The following ATG13 variants were observed in gnomAD, a reference collection of about 807,000 sequenced individuals.
ATG13 encodes autophagy related 13.
Under a neutral mutation model 65.5 loss-of-function variants are expected in ATG13, and 23 were observed. The observed-to-expected ratio is 0.35, with a 90% confidence interval of 0.25 to 0.50. ATG13 has a LOEUF of 0.50. Ranked by LOEUF, ATG13 falls within the 20% of genes least tolerant of loss-of-function variation. The probability of loss-of-function intolerance (pLI) is 0.98; values close to 1 mark genes in which losing one functional copy is unlikely to be tolerated. For synonymous variants in ATG13, 252 were observed against 245.2 expected (o/e 1.03, Z -0.26); for missense variants, 566 against 677.0 (o/e 0.84, Z 1.82).
At chr11:46,645,201 T>C in intron 3 of ATG13, 138 bp from the exon 4 acceptor site, 1 of 638,990 alleles carries the variant, frequency 1.6e-6, no homozygotes, top group Non-Finnish European at 2.6e-6. Flanking sequence ...AAAATTATAC[T>C]GTTTCCCAAA....
chr11:46,665,363 CTT>C lies in ATG13; in HGVS notation c.1000-18_1000-17del. On this transcript the variant is annotated intron_variant, in intron 13 of 18. Coordinates refer to ENST00000683050, the MANE Select transcript of ATG13 (RefSeq NM_001346311.2). The stretch of plus-strand genomic sequence containing the variant: ...CCTGGCATGCCATGATTCACTGTCT[CTT>C]TCCATTTTTCCCCAAAGCTGATGGT... 1 of 1,611,582 alleles carries C rather than the reference CTT, an allele frequency of 6.2e-7. No homozygotes were observed. The highest frequency in any genetic ancestry group is 1.3e-5 in the African/African-American group (1 of 75,022).
intron 2 of ATG13, among the ~76,000 whole-genome samples, chr11:46,633,017 TATATATATA>T (rs1467372685): frequency 5.9e-5 from 6 of 101,268 alleles, no homozygotes; most frequent in African/African-American, 3.7e-4. Context: ...TATATATATA[TATATATATA>T]TTTTTTTTTT....
chr11:46,671,320 C>T (rs4752926), intron 18 of ATG13, among the ~76,000 whole-genome samples: 72,093 of 152,152 alleles, frequency 0.47, 20,158 homozygotes, highest in Non-Finnish European at 0.62. Flanking sequence ...TCAGTAGAGA[C>T]GCATTTTTAT....
At chr11:46,671,075 G>T (rs553778348) in intron 18 of ATG13, among the ~76,000 whole-genome samples, 8 of 152,310 alleles carry the variant, frequency 5.3e-5, no homozygotes, top group South Asian at 2.1e-4. Flanking sequence ...GCACTTGGAA[G>T]AAAGTGTGGC....
At chr11:46,666,561 G>A (rs1592231262) in intron 14 of ATG13, among the ~76,000 whole-genome samples, 1 of 152,148 alleles carries the variant, frequency 6.6e-6, no homozygotes, top group South Asian at 2.1e-4. Context: ...GGAAGTGAAC[G>A]TTCTCATATT....
At chr11:46,650,020 C>T (rs1300240145) in intron 6 of ATG13, among the ~76,000 whole-genome samples, 157 bp from the exon 7 acceptor site, 3 of 152,076 alleles carry the variant, frequency 2.0e-5, no homozygotes, top group Non-Finnish European at 2.9e-5. Context: ...GTGTCTAGTA[C>T]ATGAGAAAGT....
Position 46,668,538 on chromosome 11 carries a change from G to A in ATG13, c.1291G>A (p.Ala431Thr). ...TTTGGATATACCCTTTGCCATGTTT[G>A]CTCCCAAGAATTTGGAGCTGGAGGA... Reference protein sequence around the residue: ...TSLDIPFAMFAPKNLELEDTD... With the variant: ...TSLDIPFAMFTPKNLELEDTD... The change falls in exon 16 of 19, where the codon GCT (alanine) becomes ACT (threonine). Residue 431 changes from alanine to threonine, a missense_variant. Ala to Thr is a moderately conservative substitution (Grantham distance 58). Coordinates refer to ENST00000683050, the MANE Select transcript of ATG13 (RefSeq NM_001346311.2). 1 of 1,614,190 alleles carries A rather than the reference G, an allele frequency of 6.2e-7. No homozygotes were observed. Among genetic ancestry groups the A allele is most frequent in the African/African-American group, 1.3e-5 (1 of 75,042 alleles).
chr11:46,620,328 C>G (rs2047048769), intron 1 of ATG13, among the ~76,000 whole-genome samples: 1 of 151,450 alleles, frequency 6.6e-6, no homozygotes, highest in Non-Finnish European at 1.5e-5. Context: ...CTCCTGACCT[C>G]AGGTGATCCA....
chr11:46,618,820 T>A (rs1233673277), intron 1 of ATG13, among the ~76,000 whole-genome samples: 2 of 151,956 alleles, frequency 1.3e-5, no homozygotes, highest in South Asian at 2.1e-4. Context: ...TTTTAAAATT[T>A]TTATTATTAT....
chr11:46,671,850 G>T (rs371247460), intron 18 of ATG13, among the ~76,000 whole-genome samples: 1 of 152,234 alleles, frequency 6.6e-6, no homozygotes, highest in African/African-American at 2.4e-5. Context: ...CCCCCAGGGG[G>T]TCCCGATGCC....
intron 2 of ATG13, among the ~76,000 whole-genome samples, chr11:46,632,907 A>C (rs766346491): frequency 6.3e-4 from 95 of 150,852 alleles, no homozygotes; most frequent in Non-Finnish European, 1.0e-3. Context: ...TCACAACTGT[A>C]ATCCCAGTGC....
chr11:46,630,188 G>C (rs1034777021), intron 2 of ATG13, 88 bp downstream of exon 2: 1 of 152,154 alleles, frequency 6.6e-6, no homozygotes, highest in Non-Finnish European at 1.5e-5. Flanking sequence ...AGAATAGAAT[G>C]GGAAAAGCTG....
At chr11:46,663,959 T>TG in intron 11 of ATG13, 38 bp from the exon 12 acceptor site, 1 of 1,232,412 alleles carries the variant, frequency 8.1e-7, no homozygotes, top group South Asian at 1.5e-5. Flanking sequence ...TTTTTTTTTT[T>TG]TTTTGTTTCT....
intron 7 of ATG13, among the ~76,000 whole-genome samples, chr11:46,651,180 A>G (rs1053441095): frequency 1.3e-5 from 2 of 152,200 alleles, no homozygotes; most frequent in African/African-American, 4.8e-5. Flanking sequence ...TGTAGTGAGG[A>G]AAACAATTTG....
rs560440788 is a variant in ATG13, at chr11:46,617,767, G to A, written c.-193G>A. On this transcript the variant is annotated 5_prime_UTR_variant, in exon 1 of 19. Transcript: ENST00000683050. ...TCTGAAGCCTTAGGTGTCTATCGGC[G>A]ACGTGTACGGTCACTGCAGCTCCGG... 1.6e-4 allele frequency: 63 copies of A among 399,012 alleles called. No individual in the cohort carries two copies. In the East Asian group the frequency reaches 2.2e-3, roughly 14 times the overall value. 24.7% of individuals were successfully genotyped at this position (399,012 alleles called of 1,614,324 possible).
intron 2 of ATG13, among the ~76,000 whole-genome samples, chr11:46,637,704 C>T (rs2054465241): frequency 6.6e-6 from 1 of 152,190 alleles, no homozygotes; most frequent in Admixed American, 6.5e-5. Flanking sequence ...CTATTCAGAG[C>T]AAAAGAGTCA....
chr11:46,634,194 C>T (rs2136006315), intron 2 of ATG13, among the ~76,000 whole-genome samples: 1 of 151,682 alleles, frequency 6.6e-6, no homozygotes, highest in Middle Eastern at 3.4e-3. Context: ...CTCCCAGGTT[C>T]AAGAGATTCT....
At chr11:46,633,673 T>C (rs772358652) in intron 2 of ATG13, among the ~76,000 whole-genome samples, 5 of 151,978 alleles carry the variant, frequency 3.3e-5, no homozygotes, top group Non-Finnish European at 7.4e-5. Flanking sequence ...TAGCTGCACA[T>C]GGTGTTGCGA....
intron 7 of ATG13, among the ~76,000 whole-genome samples, chr11:46,651,853 A>G (rs767300522): frequency 1.1e-4 from 17 of 152,184 alleles, no homozygotes; most frequent in Admixed American, 9.2e-4. Context: ...ATTGAGATAT[A>G]TTAGAAAGAT....
Sources: allele counts gnomAD v4.1 joint callset (sites outside exome capture counted in the v4.1 genomes callset), GRCh38; gene constraint gnomAD v4.1.1; transcripts MANE v1.5; gene names NCBI Gene and HGNC (gene_info 2026-07-23, HGNC 2026-07-21).